NADK: variants seen among roughly 807,000 people sequenced by gnomAD.
NADK encodes poly(P)/ATP NAD kinase.
Under a neutral mutation model 49.8 loss-of-function variants are expected in NADK, and 22 were observed. The observed-to-expected ratio is 0.44, with a 90% CI of 0.32 to 0.63. The LOEUF (loss-of-function observed/expected upper bound fraction) is 0.63. Ranked by LOEUF, NADK falls within the 30% of genes least tolerant of loss-of-function variation. The pLI, the probability that NADK is intolerant of heterozygous loss-of-function variation, is 0.06. For missense variants in NADK, 438 were observed against 609.4 expected (o/e 0.72, Z 2.96); for synonymous variants, 268 against 253.7 (o/e 1.06, Z -0.54).
chr1:1,754,238 C>A lies in NADK; in HGVS notation c.944-30G>T. 6.2e-7 allele frequency: 1 copy of A among 1,613,144 alleles called. No homozygotes were observed. Among genetic ancestry groups the A allele is most frequent in the Non-Finnish European group, 8.5e-7 (1 of 1,179,866 alleles). On this transcript the variant is annotated intron_variant, in intron 9 of 11. Coordinates refer to ENST00000341426, the MANE Select transcript of NADK (RefSeq NM_023018.5). The surrounding 1 kb of genome is among the most constrained non-coding windows in gnomAD (Gnocchi z 4.3). The stretch of plus-strand genomic sequence containing the variant: ...CAGGGACAGGCGCAGGCGTCACTCC[C>A]GCCCGAGGGACGCTCAGGGCCCCAG...
Position 1,754,660 on chromosome 1 carries a change from T to C in NADK, c.727A>G (p.Arg243Gly). 6.2e-7 allele frequency: 1 copy of C among 1,613,746 alleles called. No individual in the cohort carries two copies. Among genetic ancestry groups the C allele is most frequent in the South Asian group, 1.1e-5 (1 of 91,056 alleles). The change falls in exon 8 of 12, where the codon AGG becomes GGG. Residue 243 changes from arginine to glycine, a missense_variant. Coordinates refer to ENST00000341426, the MANE Select transcript of NADK (RefSeq NM_023018.5). The surrounding 1 kb of genome is among the most constrained non-coding windows in gnomAD (Gnocchi z 4.3). ...TTCCCCCGGAGCTCCTTCACCACCC[T>C]GACCTTCAGCCGACTCCGGAGAACA... ...AVVLRSRLKV[R>G]VVKELRGKKT... is the part of the protein sequence containing the mutation.
chr1:1,763,480 G>A (rs182599470), intron 2 of NADK, among the ~76,000 whole-genome samples: 8 of 152,106 alleles, frequency 5.3e-5, no homozygotes, highest in African/African-American at 1.4e-4. Flanking sequence ...TTAGACAGGC[G>A]TGGTGGCATA....
chr1:1,771,466 G>GCTAA (rs1476865952), intron 1 of NADK, among the ~76,000 whole-genome samples: 1 of 152,120 alleles, frequency 6.6e-6, no homozygotes, highest in African/African-American at 2.4e-5. Flanking sequence ...AACGCGAAGG[G>GCTAA]CTAAGTTCAT....
rs1645463441 is a variant in NADK at position 1,754,937 on chromosome 1, T to C, written c.689-239A>G. 4.1e-6 allele frequency: 2 copies of C among 482,728 alleles called. No individual in the cohort carries two copies. Among genetic ancestry groups the C allele is most frequent in the Non-Finnish European group, 7.3e-6 (2 of 273,490 alleles). The allele number at this position is 482,728 out of a possible 1,614,324, so 29.9% of individuals were successfully genotyped here. On this transcript the variant is annotated intron_variant, in intron 7 of 11. Transcript: ENST00000341426. This position sits in a 1 kb window ranked among gnomAD's most constrained non-coding sequence, Gnocchi z 4.3. ...CCCAGGTTCAAGTGATTCTCCTGCC[T>C]CAGCCTCCCAAGTAGCTGGAACTAC...
At chr1:1,759,388 C>A in intron 3 of NADK, 1 of 1,246,902 alleles carries the variant, frequency 8.0e-7, no homozygotes, top group East Asian at 2.6e-5. Flanking sequence ...GCCAGCATGG[C>A]CACAGCCTGG....
chr1:1,758,477 G>A (rs762833268), intron 3 of NADK: 74 of 1,612,198 alleles, frequency 4.6e-5, no homozygotes, highest in Non-Finnish European at 5.7e-5. Context: ...GCTGGGAGCC[G>A]GCCAGTGTGT....
chr1:1,754,281 T>C lies in NADK; in HGVS notation c.943+3A>G. The stretch of plus-strand genomic sequence containing the variant: ...GGCCCCAGGACAGTGCTGCGGGCCT[T>C]ACCGTCGCCCTGCACCGTGGTGATG... On this transcript the variant is annotated splice_donor_region_variant and intron_variant, in intron 9 of 11. Coordinates refer to ENST00000341426, the MANE Select transcript of NADK (RefSeq NM_023018.5). The surrounding 1 kb of genome is among the most constrained non-coding windows in gnomAD (Gnocchi z 4.3). 6.2e-7 allele frequency: 1 copy of C among 1,613,618 alleles called. No homozygotes were observed. The highest frequency in any genetic ancestry group is 1.3e-5 in the African/African-American group (1 of 75,042).
At chr1:1,757,369 G>A in intron 3 of NADK, 59 bp from the exon 4 acceptor site, 1 of 1,406,976 alleles carries the variant, frequency 7.1e-7, no homozygotes, top group South Asian at 1.2e-5. Flanking sequence ...CGGAAAAGGT[G>A]TATGACTTAG....
chr1:1,762,306 C>T (rs1346146215), intron 2 of NADK, among the ~76,000 whole-genome samples: 1 of 152,178 alleles, frequency 6.6e-6, no homozygotes. Context: ...AAGGAAAATG[C>T]CAGGGCCAGG....
Position 1,778,313 on chromosome 1 carries a change from G to A in NADK, c.-65C>T, listed in dbSNP as rs1364566560. On this transcript the variant is annotated 5_prime_UTR_variant, in exon 1 of 12. Transcript: ENST00000341426. The surrounding 1 kb of genome is among the most constrained non-coding windows in gnomAD (Gnocchi z 4.9). Reference sequence around the variant, plus strand: ...CCGTTCGCTGCCGCGGGCGCCTGCGGGGGCGTCTACATGCCGGACCGAGCC... The same window carrying A: ...CCGTTCGCTGCCGCGGGCGCCTGCGAGGGCGTCTACATGCCGGACCGAGCC... 6.6e-6 allele frequency: 1 copy of A among 151,312 alleles called. No individual in the cohort carries two copies. The highest frequency in any genetic ancestry group is 1.9e-4 in the East Asian group (1 of 5,142). 9.4% of individuals were successfully genotyped at this position (151,312 alleles called of 1,614,324 possible). A position where few individuals can be genotyped will look rare whatever the true frequency, so the allele number is the denominator to read the frequency against.
At position 1,762,048 on chromosome 1, in the gene NADK, G is replaced by A. The variant is rs767582809; in HGVS notation, c.180-13C>T. Reference sequence around the variant, plus strand: ...AGAGCGTGTCCTCCTGTGGGGAGAGGGCAGTGTCAGAGCCACCAGGGCCTG... The same window carrying A: ...AGAGCGTGTCCTCCTGTGGGGAGAGAGCAGTGTCAGAGCCACCAGGGCCTG... On this transcript the variant is annotated splice_polypyrimidine_tract_variant and intron_variant, in intron 2 of 11. Coordinates refer to ENST00000341426, the MANE Select transcript of NADK (RefSeq NM_023018.5). The A allele has an allele frequency of 6.2e-7, 1 of 1,612,990 alleles. No homozygotes were observed. Among genetic ancestry groups the A allele is most frequent in the Non-Finnish European group, 8.5e-7 (1 of 1,179,296 alleles).
Position 1,754,761 on chromosome 1 carries a change from C to T in NADK, c.689-63G>A, listed in dbSNP as rs548526248. The T allele has an allele frequency of 6.7e-7, 1 of 1,482,472 alleles. No homozygotes were observed. Among genetic ancestry groups the T allele is most frequent in the African/African-American group, 1.4e-5 (1 of 71,238 alleles). The allele number at this position is 1,482,472 out of a possible 1,614,324, so 91.8% of individuals were successfully genotyped here. ...AAGTCAGTGGGGTCAGGGGCCCCACCCCAGGGAGGCCAGTGGGAGTCAGAG... is the reference window on the plus strand; with the variant it reads ...AAGTCAGTGGGGTCAGGGGCCCCACTCCAGGGAGGCCAGTGGGAGTCAGAG... On this transcript the variant is annotated intron_variant, in intron 7 of 11. Transcript: ENST00000341426. This position sits in a 1 kb window ranked among gnomAD's most constrained non-coding sequence, Gnocchi z 4.3.
chr1:1,757,161 T>TCCCCCCCCC lies in NADK; in HGVS notation c.393+19_393+20insGGGGGGGGG. 3.8e-6 allele frequency: 1 copy of TCCCCCCCCC among 262,954 alleles called. No individual in the cohort carries two copies. The allele number at this position is 262,954 out of a possible 1,614,324, so 16.3% of individuals were successfully genotyped here. A position where few individuals can be genotyped will look rare whatever the true frequency, so the allele number is the denominator to read the frequency against. On this transcript the variant is annotated intron_variant, in intron 4 of 11. Transcript: ENST00000341426. ...AACTCCATGTGCACCCCAGGCCCCCTTCCCCCCTGCCCCGCGTGCCTCCAT... is the reference window on the plus strand; with the variant it reads ...AACTCCATGTGCACCCCAGGCCCCCTCCCCCCCCCTCCCCCCTGCCCCGCGTGCCTCCAT...
chr1:1,772,160 AT>A (rs111782958), intron 1 of NADK, among the ~76,000 whole-genome samples: 382 of 136,704 alleles, frequency 2.8e-3, no homozygotes, highest in African/African-American at 7.1e-3. Flanking sequence ...GGAACCCTGA[AT>A]TTTTTTTTTT....
At chr1:1,753,835 A>C (rs1645415026) in intron 10 of NADK, among the ~76,000 whole-genome samples, 186 bp from the exon 11 acceptor site, 1 of 152,158 alleles carries the variant, frequency 6.6e-6, no homozygotes, top group Non-Finnish European at 1.5e-5. Flanking sequence ...AATGGCAGAA[A>C]GCCCCTCAGA....
chr1:1,756,286 G>A lies in NADK; in HGVS notation c.557C>T (p.Thr186Met), dbSNP rs1182911931. ...DFIICLGGDG[T>M]LLYASSLFQG... ...GAAAAGCGAGGAAGCGTACAGCAGC[G>A]TCCCGTCTCCCCCCAGGCAGATGAT... The change falls in exon 6 of 12, where the codon ACG (threonine) becomes ATG (methionine). Residue 186 changes from threonine (T) to methionine (M), a missense_variant. By Grantham distance (81) the Thr-to-Met change is moderately conservative. Coordinates refer to ENST00000341426, the MANE Select transcript of NADK (RefSeq NM_023018.5). 13 of 1,614,024 alleles carry A rather than the reference G, an allele frequency of 8.1e-6. No individual in the cohort carries two copies. The highest frequency in any genetic ancestry group is 2.7e-5 in the African/African-American group (2 of 74,934).
chr1:1,772,811 G>A (rs1051507708), intron 1 of NADK, among the ~76,000 whole-genome samples: 6 of 151,794 alleles, frequency 4.0e-5, no homozygotes, highest in African/African-American at 4.8e-5. Context: ...AGGCCAAGGC[G>A]GGCGGATCAC....
At chr1:1,758,138 C>T (rs933800729) in intron 3 of NADK, among the ~76,000 whole-genome samples, 2 of 152,232 alleles carry the variant, frequency 1.3e-5, no homozygotes, top group African/African-American at 2.4e-5. Context: ...ACCGCCTATC[C>T]TCAGCCCCAA....
Position 1,754,727 on chromosome 1 carries a change from G to A in NADK, c.689-29C>T. ...AGGTCCAGCAGGAGTCAGAGGGCATGCATCAGGGAAGTCAGTGGGGTCAGG... is the reference window on the plus strand; with the variant it reads ...AGGTCCAGCAGGAGTCAGAGGGCATACATCAGGGAAGTCAGTGGGGTCAGG... On this transcript the variant is annotated intron_variant, in intron 7 of 11. Coordinates refer to ENST00000341426, the MANE Select transcript of NADK (RefSeq NM_023018.5). The surrounding 1 kb of genome is among the most constrained non-coding windows in gnomAD (Gnocchi z 4.3). 6.3e-7 allele frequency: 1 copy of A among 1,589,324 alleles called. No homozygotes were observed.
Sources: gnomAD v4.1 joint callset for allele counts (sites outside exome capture counted in the v4.1 genomes callset) on GRCh38, gnomAD v4.1.1 for gene constraint, Gnocchi (gnomAD v3.1) non-coding constraint, MANE v1.5 for transcripts, NCBI Gene and HGNC (gene_info 2026-07-23, HGNC 2026-07-21) for gene names.